The following GARIN5A variants were observed in gnomAD, a reference collection of about 807,000 sequenced individuals.
The protein encoded by GARIN5A is Golgi-associated RAB2 interactor protein 5A.
chr19:50,472,098 GTATA>G, the GARIN5A span, among the ~76,000 whole-genome samples: 48 of 140,026 alleles, frequency 3.4e-4, 1 homozygote, highest in African/African-American at 1.3e-3. Context: ...ATATGTATAT[GTATA>G]TATACGTGTG....
chr19:50,470,667 T>C, the GARIN5A span, among the ~76,000 whole-genome samples: 1 of 150,622 alleles, frequency 6.6e-6, no homozygotes, highest in East Asian at 2.0e-4. Flanking sequence ...GTTTTTTTTT[T>C]TTTTTGAGAT....
At chr19:50,471,714 G>GTATACGCATACATGCACGTGTGTA in the GARIN5A span, among the ~76,000 whole-genome samples, 1 of 150,090 alleles carries the variant, frequency 6.7e-6, no homozygotes, top group Admixed American at 6.7e-5. Context: ...GCACGTGTGT[G>GTATACGCATACATGCACGTGTGTA]TATACGCATA....
At chr19:50,470,408 G>C in the GARIN5A span, among the ~76,000 whole-genome samples, 2 of 152,032 alleles carry the variant, frequency 1.3e-5, no homozygotes, top group Non-Finnish European at 2.9e-5. Context: ...AGCTACTTGG[G>C]AGGCTGAGGC....
At chr19:50,476,318 G>A in the GARIN5A span, 1 of 1,592,522 alleles carries the variant, frequency 6.3e-7, no homozygotes, top group Admixed American at 1.7e-5. Flanking sequence ...ACACAAGAGC[G>A]GGCTCCTGAT....
the GARIN5A span, among the ~76,000 whole-genome samples, chr19:50,471,773 CCT>C: frequency 7.2e-6 from 1 of 138,434 alleles, no homozygotes; most frequent in South Asian, 2.2e-4. Flanking sequence ...CGCATACATA[CCT>C]GTGTGTATAC....
the GARIN5A span, among the ~76,000 whole-genome samples, chr19:50,471,650 ATACATGCACGTGTGTGTATACG>A: frequency 1.6e-5 from 2 of 121,414 alleles, no homozygotes; most frequent in Non-Finnish European, 3.5e-5. Context: ...GTATATACGC[ATACATGCACGTGTGTGTATACG>A]CATACATGCA....
At chr19:50,472,136 A>G in the GARIN5A span, among the ~76,000 whole-genome samples, 7 of 139,414 alleles carry the variant, frequency 5.0e-5, 1 homozygote, top group African/African-American at 2.0e-4. Context: ...ACGTGTGTAT[A>G]TGTATGTATA....
chr19:50,476,212 G>A, the GARIN5A span: 56 of 1,613,724 alleles, frequency 3.5e-5, no homozygotes, highest in Admixed American at 6.7e-5. Context: ...CAATGTCCCC[G>A]TCCGACGGGA....
the GARIN5A span, chr19:50,467,865 C>A: frequency 1.9e-6 from 3 of 1,598,932 alleles, no homozygotes; most frequent in Non-Finnish European, 2.6e-6. Context: ...AGGTTCTGAC[C>A]CTGTCGGGTC....
chr19:50,471,823 T>C, the GARIN5A span, among the ~76,000 whole-genome samples: 693 of 141,320 alleles, frequency 4.9e-3, 11 homozygotes, highest in East Asian at 0.023. Flanking sequence ...TACCTGTGTG[T>C]ATACGCATAC....
the GARIN5A span, among the ~76,000 whole-genome samples, chr19:50,473,242 TCATGTGTG>T: frequency 6.6e-6 from 1 of 152,212 alleles, no homozygotes; most frequent in East Asian, 1.9e-4. Flanking sequence ...CTGTGGACCT[TCATGTGTG>T]CATGTGTGAG....
the GARIN5A span, chr19:50,476,621 G>T: frequency 5.1e-6 from 8 of 1,556,282 alleles, no homozygotes; most frequent in Non-Finnish European, 6.1e-6. Flanking sequence ...AGTCGAGCCC[G>T]GGGCAGCGGC....
chr19:50,471,874 G>A, the GARIN5A span, among the ~76,000 whole-genome samples: 2 of 151,208 alleles, frequency 1.3e-5, no homozygotes, highest in African/African-American at 2.4e-5. Flanking sequence ...GTATATGTAT[G>A]CATACATGTG....
the GARIN5A span, among the ~76,000 whole-genome samples, chr19:50,468,406 G>A: frequency 2.7e-5 from 4 of 149,916 alleles, 1 homozygote; most frequent in Admixed American, 1.3e-4. Flanking sequence ...TTGGGTGTGG[G>A]ATCTACCATC....
the GARIN5A span, among the ~76,000 whole-genome samples, chr19:50,469,553 CTCAGTGGATGCT>C: frequency 2.0e-5 from 3 of 152,168 alleles, no homozygotes; most frequent in African/African-American, 7.2e-5. Flanking sequence ...GTGGCAGGTG[CTCAGTGGATGCT>C]TCAGTGGATG....
At chr19:50,472,243 T>TATG in the GARIN5A span, among the ~76,000 whole-genome samples, 82,539 of 134,156 alleles carry the variant, frequency 0.62, 25,749 homozygotes, top group South Asian at 0.72. Context: ...TATGTGTGTA[T>TATG]TATATATACA....
the GARIN5A span, chr19:50,475,797 C>T: frequency 5.4e-6 from 8 of 1,483,660 alleles, no homozygotes; most frequent in East Asian, 9.0e-5. Flanking sequence ...AGGGGCAGGC[C>T]GAGGCTGGGG....
chr19:50,472,090 A>ATATACGTG, the GARIN5A span, among the ~76,000 whole-genome samples: 1 of 113,330 alleles, frequency 8.8e-6, no homozygotes, highest in East Asian at 2.2e-4. Context: ...ATGTGTGTAT[A>ATATACGTG]TGTATATGTA....
the GARIN5A span, chr19:50,476,081 G>T: frequency 3.7e-6 from 6 of 1,609,742 alleles, no homozygotes; most frequent in African/African-American, 8.0e-5. Flanking sequence ...CATCCTACTT[G>T]GTTCCTTCAC....
Sources: gnomAD v4.1 joint callset for allele counts (sites outside exome capture counted in the v4.1 genomes callset) on GRCh38, gnomAD v4.1.1 for gene constraint, MANE v1.5 for transcripts, NCBI Gene and HGNC (gene_info 2026-07-23, HGNC 2026-07-21) for gene names.